ZNF385D: variants seen among roughly 807,000 people sequenced by gnomAD.
ZNF385D encodes zinc finger protein 385D.
ZNF385D carries 15 observed loss-of-function variants against 35.8 expected under a neutral mutation model. The ratio of observed to expected loss-of-function variants is 0.42; its 90% CI spans 0.28 to 0.64. The LOEUF (loss-of-function observed/expected upper bound fraction) is 0.64. ZNF385D is among the 30% of genes least tolerant of loss of function. The pLI is 0.23. For synonymous variants in ZNF385D, 212 were observed against 186.8 expected (o/e 1.13, Z -1.10); for missense variants, 474 against 494.6 (o/e 0.96, Z 0.39).
chr3:21,832,335 T>C (rs1179964471), intron 3 of ZNF385D, among the ~76,000 whole-genome samples: 1 of 152,216 alleles, frequency 6.6e-6, no homozygotes, highest in African/African-American at 2.4e-5. Context: ...TTTTATTTGT[T>C]AGACTCATTC....
In ZNF385D at chr3:22,105,741, C is replaced by G. The variant is rs1043141428; in HGVS notation, c.325+63076G>C. The stretch of plus-strand genomic sequence containing the variant: ...AAGGTCCTCAATGATTGGGTGATGC[C>G]TACCAACATTGGGGAGGGCCATCTG... On this transcript the variant is annotated intron_variant, in intron 3 of 5. Transcript: ENST00000494108. Among the ~76,000 whole-genome samples, 11 of 152,208 alleles carry G rather than the reference C, an allele frequency of 7.2e-5. No homozygotes were observed. The South Asian group carries it at 1.5e-3, about 20-fold the overall frequency.
intron 2 of ZNF385D, among the ~76,000 whole-genome samples, chr3:21,593,564 G>C (rs1028737068): frequency 6.6e-6 from 1 of 152,068 alleles, no homozygotes; most frequent in Admixed American, 6.6e-5. Context: ...TTTAGTATTA[G>C]TAGTAAATCT....
chr3:21,751,666 G>A (rs775930532), upstream of ZNF385D, among the ~76,000 whole-genome samples: 5 of 152,112 alleles, frequency 3.3e-5, no homozygotes, highest in African/African-American at 4.8e-5. Flanking sequence ...TAAAAGGAAC[G>A]CCAGGGACCA....
intron 3 of ZNF385D, among the ~76,000 whole-genome samples, chr3:21,776,124 T>G (rs1163617342): frequency 6.6e-6 from 1 of 151,894 alleles, no homozygotes; most frequent in East Asian, 1.9e-4. Flanking sequence ...TTTAATTATA[T>G]CCTATATTAT....
At chr3:21,586,981 T>TTTAC (rs1052808633) in intron 2 of ZNF385D, among the ~76,000 whole-genome samples, 1 of 152,214 alleles carries the variant, frequency 6.6e-6, no homozygotes, top group African/African-American at 2.4e-5. Context: ...GTAGGAATTA[T>TTTAC]TTACTTAGAA....
At chr3:21,497,153 A>G (rs750317617) in intron 4 of ZNF385D, among the ~76,000 whole-genome samples, 2 of 152,128 alleles carry the variant, frequency 1.3e-5, no homozygotes, top group Non-Finnish European at 1.5e-5. Flanking sequence ...AGAAAACCCC[A>G]TAGTCTCTGC....
At chr3:22,050,641 T>G (rs867056916) in intron 3 of ZNF385D, among the ~76,000 whole-genome samples, 2 of 152,196 alleles carry the variant, frequency 1.3e-5, no homozygotes, top group African/African-American at 4.8e-5. Context: ...ATGAAATCAT[T>G]GAATTGACCA....
intron 2 of ZNF385D, among the ~76,000 whole-genome samples, chr3:22,345,639 A>G (rs1366862034): frequency 6.6e-6 from 1 of 152,208 alleles, no homozygotes; most frequent in Non-Finnish European, 1.5e-5. Flanking sequence ...TAAAGCAGCT[A>G]GGTACAGAAT....
At chr3:21,845,770 G>T (rs1415277727) in intron 3 of ZNF385D, among the ~76,000 whole-genome samples, 1 of 152,014 alleles carries the variant, frequency 6.6e-6, no homozygotes, top group Non-Finnish European at 1.5e-5. Flanking sequence ...CGTGGTTAAT[G>T]AGAGCTTCTA....
intron 3 of ZNF385D, among the ~76,000 whole-genome samples, chr3:22,030,256 C>CACATAT (rs1491478581): frequency 4.6e-5 from 1 of 21,730 alleles, no homozygotes; most frequent in African/African-American, 1.6e-4. Flanking sequence ...TAAACTCATT[C>CACATAT]ATATATATAT....
intron 2 of ZNF385D, among the ~76,000 whole-genome samples, chr3:22,294,000 C>G (rs762394339): frequency 9.9e-5 from 15 of 151,110 alleles, no homozygotes; most frequent in Admixed American, 3.3e-4. Flanking sequence ...CATGGTAATT[C>G]TATCTTGGCC....
rs940482795 is a variant in ZNF385D, at chr3:21,419,471, G to A, written c.*1743C>T. On this transcript the variant is annotated 3_prime_UTR_variant, in exon 8 of 8. Coordinates refer to ENST00000281523, the MANE Select transcript of ZNF385D (RefSeq NM_024697.3). ...CTCTTGATTCTTTATACCTCTCCAA[G>A]GGTTACAACACTTTGAGAGCAGTTT... The A allele has an allele frequency of 1.3e-5, 2 of 152,046 alleles. No individual in the cohort carries two copies. Among genetic ancestry groups the A allele is most frequent in the Non-Finnish European group, 2.9e-5 (2 of 68,018 alleles). 9.4% of individuals were successfully genotyped at this position (152,046 alleles called of 1,614,324 possible).
intron 2 of ZNF385D, among the ~76,000 whole-genome samples, chr3:22,353,930 T>C (rs1696032553): frequency 6.6e-6 from 1 of 152,096 alleles, no homozygotes; most frequent in Non-Finnish European, 1.5e-5. Context: ...CACATTTCAG[T>C]GTTCCTCATT....
intron 3 of ZNF385D, among the ~76,000 whole-genome samples, chr3:21,843,741 C>A (rs1695823758): frequency 6.6e-6 from 1 of 151,868 alleles, no homozygotes; most frequent in African/African-American, 2.4e-5. Context: ...TGAAACCCAG[C>A]AGATGGTGAA....
chr3:21,979,328 C>A (rs896967101), intron 3 of ZNF385D, among the ~76,000 whole-genome samples: 1 of 152,112 alleles, frequency 6.6e-6, no homozygotes. Flanking sequence ...TTAATCATAA[C>A]CATATACTAT....
rs565804037 is a variant in ZNF385D at position 22,355,453 on chromosome 3, C to T, written c.106+16997G>A. ...ACAGTCAGACCTAGGAAAATAACAA[C>T]GTATGATATAATAAATAAAATAGGA... is the stretch of plus-strand genomic sequence containing the variant. On this transcript the variant is annotated intron_variant, in intron 2 of 5. Coordinates refer to the ZNF385D transcript ENST00000494108. 2.1e-4 allele frequency among the ~76,000 whole-genome samples: 32 copies of T among 151,884 alleles called. 1 individual carries two copies. Among genetic ancestry groups the T allele is most frequent in the Admixed American group, 9.2e-4 (14 of 15,238 alleles).
chr3:21,824,582 C>T (rs369049482), intron 3 of ZNF385D, among the ~76,000 whole-genome samples: 1 of 151,882 alleles, frequency 6.6e-6, no homozygotes, highest in Non-Finnish European at 1.5e-5. Flanking sequence ...CTTCATATAT[C>T]TAGTTTTATT....
intron 3 of ZNF385D, among the ~76,000 whole-genome samples, chr3:21,540,599 T>C (rs1213127633): frequency 1.3e-5 from 2 of 152,160 alleles, no homozygotes; most frequent in African/African-American, 4.8e-5. Flanking sequence ...AACTTATTTA[T>C]AAAGGAATCT....
chr3:21,861,952 C>T (rs968916367), intron 3 of ZNF385D, among the ~76,000 whole-genome samples: 3 of 152,090 alleles, frequency 2.0e-5, no homozygotes, highest in African/African-American at 7.2e-5. Flanking sequence ...GAAAACCATG[C>T]CATGCCTTGA....
Sources: allele counts gnomAD v4.1 joint callset (sites outside exome capture counted in the v4.1 genomes callset), GRCh38; gene constraint gnomAD v4.1.1; transcripts MANE v1.5; gene names NCBI Gene and HGNC (gene_info 2026-07-23, HGNC 2026-07-21).